CHN1: variants seen among roughly 807,000 people sequenced by gnomAD.
CHN1 encodes N-chimaerin.
In CHN1, 37 loss-of-function variants were observed where a neutral mutation model predicts 59.5. The ratio of observed to expected loss-of-function variants is 0.62; its 90% CI spans 0.48 to 0.82. CHN1 has a LOEUF of 0.82. CHN1 is among the 40% of genes least tolerant of loss of function. The pLI is 0.00. For synonymous variants in CHN1, 206 were observed against 200.4 expected (o/e 1.03, Z -0.24); for missense variants, 469 against 571.0 (o/e 0.82, Z 1.82).
At chr2:174,851,722 A>C (rs1686734936) in intron 6 of CHN1, among the ~76,000 whole-genome samples, 1 of 152,210 alleles carries the variant, frequency 6.6e-6, no homozygotes, top group African/African-American at 2.4e-5. Flanking sequence ...GAGGAGGACT[A>C]TAAAAACGGT....
At chr2:174,822,288 A>G (rs925225062) in intron 8 of CHN1, among the ~76,000 whole-genome samples, 2 of 152,172 alleles carry the variant, frequency 1.3e-5, no homozygotes, top group African/African-American at 2.4e-5. Flanking sequence ...TTTACTCACA[A>G]TAAGAGGTAG....
chr2:174,983,351 A>T (rs1287695991), intron 1 of CHN1, among the ~76,000 whole-genome samples: 1 of 152,174 alleles, frequency 6.6e-6, no homozygotes, highest in Non-Finnish European at 1.5e-5. Flanking sequence ...TTCTTAGGTT[A>T]ACATCAGTAG....
intron 1 of CHN1, among the ~76,000 whole-genome samples, chr2:174,965,255 T>C (rs1690558547): frequency 6.6e-6 from 1 of 152,126 alleles, no homozygotes; most frequent in African/African-American, 2.4e-5. Flanking sequence ...CTATAGAAGT[T>C]GTTAAAAATG....
intron 6 of CHN1, among the ~76,000 whole-genome samples, chr2:174,859,655 A>C (rs886287968): frequency 6.6e-6 from 1 of 152,192 alleles, no homozygotes; most frequent in African/African-American, 2.4e-5. Flanking sequence ...CAAAAGGCAA[A>C]TTCACTGATG....
chr2:174,846,836 A>C (rs1347847865), intron 7 of CHN1, 44 bp downstream of exon 7: 1 of 1,449,386 alleles, frequency 6.9e-7, no homozygotes, highest in East Asian at 2.5e-5. Context: ...TATATATTTC[A>C]AGTAATATGC....
In CHN1 at chr2:174,843,841, C is replaced by A. The variant is rs192254873; in HGVS notation, c.627+3039G>T. ...CAAGGTGGTGCATATAATAAGCAAG[C>A]TCCTGAGGGCAAAGGCTGGATCTTA... On this transcript the variant is annotated intron_variant, in intron 7 of 12. Transcript: ENST00000409900. Among the ~76,000 whole-genome samples the A allele has an allele frequency of 2.5e-3, 387 of 152,232 alleles. 1 individual carries two copies. Among genetic ancestry groups the A allele is most frequent in the African/African-American group, 8.9e-3 (370 of 41,530 alleles).
intron 5 of CHN1, among the ~76,000 whole-genome samples, chr2:174,889,123 A>G (rs182695600): frequency 6.6e-6 from 1 of 152,326 alleles, no homozygotes; most frequent in East Asian, 1.9e-4. Flanking sequence ...AGAAACCAGC[A>G]AATCTCTCTA....
At chr2:174,803,862 T>C (rs1684805367) in intron 11 of CHN1, among the ~76,000 whole-genome samples, 1 of 152,176 alleles carries the variant, frequency 6.6e-6, no homozygotes, top group Non-Finnish European at 1.5e-5. Flanking sequence ...CTCTAGTTTT[T>C]ACTACAGGAT....
chr2:174,807,309 C>T (rs1324699234), intron 11 of CHN1, among the ~76,000 whole-genome samples: 1 of 152,154 alleles, frequency 6.6e-6, no homozygotes, highest in Non-Finnish European at 1.5e-5. Context: ...TTGTCCTCTG[C>T]TGATTGTGTG....
intron 5 of CHN1, among the ~76,000 whole-genome samples, chr2:174,909,263 C>G (rs1688623307): frequency 1.3e-5 from 2 of 152,166 alleles, no homozygotes; most frequent in African/African-American, 4.8e-5. Flanking sequence ...CACGTTCCCT[C>G]CCTTCCTCCA....
chr2:174,951,891 T>C (rs1690034599), intron 2 of CHN1, among the ~76,000 whole-genome samples: 1 of 152,180 alleles, frequency 6.6e-6, no homozygotes, highest in Non-Finnish European at 1.5e-5. Flanking sequence ...TTAGCTTCAT[T>C]AGCCACTCTG....
chr2:174,860,376 T>C (rs967227720), intron 6 of CHN1, among the ~76,000 whole-genome samples: 4 of 152,212 alleles, frequency 2.6e-5, no homozygotes, highest in African/African-American at 7.2e-5. Context: ...AATTAGGATG[T>C]ATTTTATCTT....
chr2:174,954,245 A>G (rs1351414256), intron 1 of CHN1, among the ~76,000 whole-genome samples: 1 of 152,218 alleles, frequency 6.6e-6, no homozygotes, highest in East Asian at 1.9e-4. Context: ...AGCCACATGT[A>G]GAAGAACAAA....
At chr2:174,911,581 G>T (rs1688702452) in intron 5 of CHN1, among the ~76,000 whole-genome samples, 1 of 152,172 alleles carries the variant, frequency 6.6e-6, no homozygotes, top group African/African-American at 2.4e-5. Flanking sequence ...GCTGAGATGG[G>T]GCATGGAAGA....
At chr2:174,987,573 G>A (rs1691390492) in intron 1 of CHN1, among the ~76,000 whole-genome samples, 1 of 151,672 alleles carries the variant, frequency 6.6e-6, no homozygotes, top group Non-Finnish European at 1.5e-5. Context: ...ACTAATTTTT[G>A]TATTTTTGTA....
At chr2:174,945,758 C>T (rs1332033905) in intron 2 of CHN1, among the ~76,000 whole-genome samples, 1 of 151,822 alleles carries the variant, frequency 6.6e-6, no homozygotes, top group Non-Finnish European at 1.5e-5. Flanking sequence ...ATCAAACTAC[C>T]CAGTAATCTG....
At chr2:174,938,384 G>C (rs965341305) in intron 3 of CHN1, among the ~76,000 whole-genome samples, 3 of 152,018 alleles carry the variant, frequency 2.0e-5, no homozygotes, top group Non-Finnish European at 4.4e-5. Flanking sequence ...TTGTTATACA[G>C]ATATTTAACT....
At chr2:174,857,941 A>G (rs1022923440) in intron 6 of CHN1, among the ~76,000 whole-genome samples, 1 of 152,154 alleles carries the variant, frequency 6.6e-6, no homozygotes, top group Non-Finnish European at 1.5e-5. Flanking sequence ...TATAATATAC[A>G]TATAAAAAAT....
intron 6 of CHN1, among the ~76,000 whole-genome samples, chr2:174,873,766 A>G (rs1687478221): frequency 2.0e-5 from 3 of 152,230 alleles, no homozygotes. Context: ...TCAAAAATGG[A>G]ACTTAAATGT....
Sources: gnomAD v4.1 joint callset for allele counts (sites outside exome capture counted in the v4.1 genomes callset) on GRCh38, gnomAD v4.1.1 for gene constraint, MANE v1.5 for transcripts, NCBI Gene and HGNC (gene_info 2026-07-23, HGNC 2026-07-21) for gene names.